The following APBA1 variants were observed in gnomAD, a reference collection of about 807,000 sequenced individuals.
APBA1 encodes amyloid-beta A4 precursor protein-binding family A member 1.
Under a neutral mutation model 86.6 loss-of-function variants are expected in APBA1, and 55 were observed. The ratio of observed to expected loss-of-function variants is 0.64; its 90% CI spans 0.51 to 0.80. APBA1 has a LOEUF of 0.80. Ranked by LOEUF, APBA1 falls within the 30% of genes least tolerant of loss-of-function variation. The probability of loss-of-function intolerance (pLI) is 0.00; values close to 1 mark genes in which losing one functional copy is unlikely to be tolerated. For missense variants in APBA1, 1,090 were observed against 1,183.0 expected (o/e 0.92, Z 1.15); for synonymous variants, 511 against 493.9 (o/e 1.03, Z -0.46).
intron 1 of APBA1, among the ~76,000 whole-genome samples, chr9:69,574,480 CT>C (rs1821738837): frequency 6.6e-6 from 1 of 152,152 alleles, no homozygotes; most frequent in South Asian, 2.1e-4. Context: ...AAAAAATCCT[CT>C]CTATATATGC....
intron 11 of APBA1, among the ~76,000 whole-genome samples, chr9:69,439,903 T>A (rs187316822): frequency 6.6e-6 from 1 of 152,324 alleles, no homozygotes; most frequent in Non-Finnish European, 1.5e-5. Context: ...TTTTTCCCCA[T>A]CTTTGTGGTT....
intron 1 of APBA1, among the ~76,000 whole-genome samples, chr9:69,592,249 G>A (rs1157673294): frequency 2.0e-5 from 3 of 152,084 alleles, no homozygotes; most frequent in South Asian, 4.1e-4. Flanking sequence ...AATATTTTAC[G>A]ATGTCTTCAT....
rs373178971 is a variant in APBA1 at position 69,549,404 on chromosome 9, G to C, written c.-69-32125C>G. ...GTAGAGAGGATACACAGCCAGCCGA[G>C]GCCTCTGCACTTTTTGTCGTCTTGC... On this transcript the variant is annotated intron_variant, in intron 1 of 12. Coordinates refer to ENST00000265381, the MANE Select transcript of APBA1 (RefSeq NM_001163.4). Among the ~76,000 whole-genome samples the C allele has an allele frequency of 2.6e-4, 40 of 152,278 alleles. 1 individual carries two copies. In the East Asian group the frequency reaches 6.7e-3, roughly 26 times the overall value.
rs201958310 is a variant in APBA1, at chr9:69,658,296, C to T, written c.-70+13857G>A. On this transcript the variant is annotated intron_variant, in intron 1 of 12. Transcript: ENST00000265381. ...TCTTTCTTTCTTTCTCTCTCTCTTT[C>T]TCTCTCTCTCTTTCTTTCTTTCTTT... Among the ~76,000 whole-genome samples, 348 of 37,804 alleles carry T rather than the reference C, an allele frequency of 9.2e-3. 14 individuals are homozygous for T. Among genetic ancestry groups the T allele is most frequent in the Middle Eastern group, 0.022 (2 of 90 alleles). The allele number at this position is 37,804 out of a possible 152,430, so 24.8% of individuals were successfully genotyped here.
intron 1 of APBA1, among the ~76,000 whole-genome samples, chr9:69,628,666 A>C (rs1379697998): frequency 6.6e-6 from 1 of 152,222 alleles, no homozygotes; most frequent in Non-Finnish European, 1.5e-5. Flanking sequence ...AGAACTTCTT[A>C]AGCAGATAAT....
chr9:69,517,258 G>A lies in APBA1; in HGVS notation c.-48C>T, dbSNP rs1291864894. The stretch of plus-strand genomic sequence containing the variant: ...AGAGAAGCTGGGCCCGGCTCACTGC[G>A]CTCTCATTTTGCTCCACTGGGCTGG... On this transcript the variant is annotated 5_prime_UTR_variant, in exon 2 of 13. Coordinates refer to ENST00000265381, the MANE Select transcript of APBA1 (RefSeq NM_001163.4). 25 of 1,419,448 alleles carry A rather than the reference G, an allele frequency of 1.8e-5. No homozygotes were observed. The highest frequency in any genetic ancestry group is 2.3e-5 in the Non-Finnish European group (25 of 1,089,190). The allele number at this position is 1,419,448 out of a possible 1,614,324, so 87.9% of individuals were successfully genotyped here.
At position 69,442,471 on chromosome 9, in the gene APBA1, G is replaced by T. The variant is rs577474870; in HGVS notation, c.2182-1356C>A. On this transcript the variant is annotated intron_variant, in intron 10 of 12. Coordinates refer to ENST00000265381, the MANE Select transcript of APBA1 (RefSeq NM_001163.4). Reference sequence around the variant, plus strand: ...ACTACTCCAAAGGGAACTGTGGGGTGGGTGGGAGGAGAGGTGGGTAACTTT... The same window carrying T: ...ACTACTCCAAAGGGAACTGTGGGGTTGGTGGGAGGAGAGGTGGGTAACTTT... 5.9e-5 allele frequency among the ~76,000 whole-genome samples: 9 copies of T among 152,274 alleles called. No homozygotes were observed. The South Asian group carries it at 1.9e-3, about 32-fold the overall frequency.
chr9:69,465,688 T>C (rs1835266552), intron 5 of APBA1, among the ~76,000 whole-genome samples: 1 of 152,200 alleles, frequency 6.6e-6, no homozygotes, highest in South Asian at 2.1e-4. Context: ...CCAAAAGGTA[T>C]GAAGGTCAGA....
At chr9:69,546,150 A>T (rs1468492120) in intron 1 of APBA1, among the ~76,000 whole-genome samples, 1 of 152,208 alleles carries the variant, frequency 6.6e-6, no homozygotes, top group Non-Finnish European at 1.5e-5. Flanking sequence ...TTTGGGGGGT[A>T]TCATTTGTAT....
At chr9:69,518,726 G>A (rs1295086125) in intron 1 of APBA1, among the ~76,000 whole-genome samples, 2 of 152,012 alleles carry the variant, frequency 1.3e-5, no homozygotes, top group African/African-American at 4.8e-5. Context: ...ACAATGGATG[G>A]GAAGTGAACT....
At chr9:69,467,213 T>C (rs1217127314) in intron 5 of APBA1, among the ~76,000 whole-genome samples, 3 of 152,230 alleles carry the variant, frequency 2.0e-5, no homozygotes, top group Admixed American at 6.5e-5. Context: ...TTAAACCAGA[T>C]AAGAGTGGTT....
chr9:69,669,278 A>G (rs12347340), intron 1 of APBA1, among the ~76,000 whole-genome samples: 3,102 of 152,324 alleles, frequency 0.02, 108 homozygotes, highest in African/African-American at 0.07. Flanking sequence ...AAGGTACTAC[A>G]GTTAATTCCT....
At chr9:69,600,498 T>C (rs112168920) in intron 1 of APBA1, among the ~76,000 whole-genome samples, 4 of 152,260 alleles carry the variant, frequency 2.6e-5, no homozygotes, top group African/African-American at 9.6e-5. Flanking sequence ...GGCGAGTCTC[T>C]TCGTTTTTAA....
At chr9:69,576,546 G>T (rs1207972254) in intron 1 of APBA1, among the ~76,000 whole-genome samples, 1 of 152,202 alleles carries the variant, frequency 6.6e-6, no homozygotes, top group Non-Finnish European at 1.5e-5. Context: ...ATGAGTTCAT[G>T]TCTTTTGTAG....
At chr9:69,506,241 C>G (rs1265968330) in intron 2 of APBA1, among the ~76,000 whole-genome samples, 5 of 151,620 alleles carry the variant, frequency 3.3e-5, no homozygotes, top group Non-Finnish European at 5.9e-5. Flanking sequence ...CAGGGCGAGG[C>G]ATTTCCTCAC....
At chr9:69,594,324 G>A (rs1310168144) in intron 1 of APBA1, among the ~76,000 whole-genome samples, 1 of 152,164 alleles carries the variant, frequency 6.6e-6, no homozygotes, top group East Asian at 1.9e-4. Flanking sequence ...TGATGCTGCT[G>A]TTCTGCACAG....
intron 10 of APBA1, among the ~76,000 whole-genome samples, chr9:69,447,531 C>T (rs900953467): frequency 2.9e-4 from 44 of 152,164 alleles, no homozygotes; most frequent in African/African-American, 8.4e-4. Context: ...CCTTCTCCTC[C>T]GTGACAACCC....
chr9:69,641,459 C>A (rs1403124522), intron 1 of APBA1, among the ~76,000 whole-genome samples: 1 of 152,036 alleles, frequency 6.6e-6, no homozygotes, highest in Non-Finnish European at 1.5e-5. Context: ...CAAGAAAATG[C>A]AAAGTTGGAG....
chr9:69,606,638 C>A (rs1017665027), intron 1 of APBA1, among the ~76,000 whole-genome samples: 1 of 151,676 alleles, frequency 6.6e-6, no homozygotes, highest in Non-Finnish European at 1.5e-5. Flanking sequence ...ACTACAGGCG[C>A]CCACCACCAC....
Sources: allele counts gnomAD v4.1 joint callset (sites outside exome capture counted in the v4.1 genomes callset), GRCh38; gene constraint gnomAD v4.1.1; transcripts MANE v1.5; gene names NCBI Gene and HGNC (gene_info 2026-07-23, HGNC 2026-07-21).